The following UBASH3B variants were observed in gnomAD, a reference collection of about 807,000 sequenced individuals.
UBASH3B encodes ubiquitin associated and SH3 domain containing B.
UBASH3B carries 37 observed loss-of-function variants against 83.4 expected under a neutral mutation model. That is an observed-to-expected ratio of 0.44 (90% CI 0.34 to 0.58). UBASH3B has a LOEUF of 0.58. Ranked by LOEUF, UBASH3B falls within the 20% of genes least tolerant of loss-of-function variation. The probability of loss-of-function intolerance (pLI) is 0.01; values close to 1 mark genes in which losing one functional copy is unlikely to be tolerated. For missense variants in UBASH3B, 657 were observed against 827.2 expected (o/e 0.79, Z 2.52); for synonymous variants, 304 against 318.3 (o/e 0.96, Z 0.48).
In UBASH3B at chr11:122,740,680, C is replaced by T. The variant is rs527564039; in HGVS notation, c.162-35539C>T. 2.3e-3 allele frequency among the ~76,000 whole-genome samples: 349 copies of T among 152,084 alleles called. 1 individual carries two copies. Among genetic ancestry groups the T allele is most frequent in the Admixed American group, 5.4e-3 (82 of 15,274 alleles). On this transcript the variant is annotated intron_variant, in intron 1 of 13. Coordinates refer to ENST00000284273, the MANE Select transcript of UBASH3B (RefSeq NM_032873.5). ...ACACTCCTGAGTCTGTACTTGCAAG[C>T]GACCCTGCCATACCAGATGTGTGCA...
chr11:122,789,095 T>C lies in UBASH3B; in HGVS notation c.772-5T>C. ...GGGCTCACTCACCCTCTCTTCCTTT[T>C]CCAGACATTACAGGTCATCTACCCC... is the stretch of plus-strand genomic sequence containing the variant. On this transcript the variant is annotated splice_region_variant and splice_polypyrimidine_tract_variant and intron_variant, in intron 5 of 13. Transcript: ENST00000284273. The C allele has an allele frequency of 1.2e-6, 2 of 1,609,772 alleles. No individual in the cohort carries two copies. Among genetic ancestry groups the C allele is most frequent in the South Asian group, 2.2e-5 (2 of 90,942 alleles).
chr11:122,721,153 G>A (rs1404037056), intron 1 of UBASH3B, among the ~76,000 whole-genome samples: 2 of 149,634 alleles, frequency 1.3e-5, no homozygotes, highest in East Asian at 4.0e-4. Flanking sequence ...GCTGAGTCAG[G>A]AGAATCGCTT....
rs772136809 is a variant in UBASH3B, at chr11:122,753,136, GA to G, written c.162-23069del. Among the ~76,000 whole-genome samples the G allele has an allele frequency of 1.2e-3, 157 of 134,098 alleles. 3 individuals carry two copies. In the South Asian group the frequency reaches 0.018, roughly 16 times the overall value. The allele number at this position is 134,098 out of a possible 152,430, so 88.0% of individuals were successfully genotyped here. ...AAAACATCTTCAAGTATGAACACTA[GA>G]AAAAAAAAAAAAACTCGAGTTTCTG... On this transcript the variant is annotated intron_variant, in intron 1 of 13. Transcript: ENST00000284273.
intron 1 of UBASH3B, among the ~76,000 whole-genome samples, chr11:122,723,694 C>A (rs1201412221): frequency 2.0e-5 from 3 of 152,164 alleles, no homozygotes; most frequent in African/African-American, 7.2e-5. Flanking sequence ...CCAAAGAGCA[C>A]CGGGTAGAAA....
At chr11:122,784,993 A>G (rs1860923016) in intron 5 of UBASH3B, among the ~76,000 whole-genome samples, 1 of 152,180 alleles carries the variant, frequency 6.6e-6, no homozygotes, top group Non-Finnish European at 1.5e-5. Context: ...AAAGAAAAAA[A>G]AAGTCAAGGG....
chr11:122,705,858 C>G (rs1358930437), intron 1 of UBASH3B, among the ~76,000 whole-genome samples: 3 of 152,158 alleles, frequency 2.0e-5, no homozygotes, highest in Non-Finnish European at 2.9e-5. Flanking sequence ...CACCCTTGCT[C>G]TGACTAAATC....
chr11:122,812,020 A>G lies in UBASH3B; in HGVS notation c.*2134A>G, dbSNP rs532286662. Reference sequence around the variant, plus strand: ...CTGGGCAGTATCTGTAATGTATGAAATAGAGTCTGGAATAGGTTATCCACT... The same window carrying G: ...CTGGGCAGTATCTGTAATGTATGAAGTAGAGTCTGGAATAGGTTATCCACT... On this transcript the variant is annotated 3_prime_UTR_variant, in exon 14 of 14. Coordinates refer to ENST00000284273, the MANE Select transcript of UBASH3B (RefSeq NM_032873.5). 1.3e-5 allele frequency: 2 copies of G among 152,306 alleles called. No homozygotes were observed. The highest frequency in any genetic ancestry group is 1.3e-4 in the Admixed American group (2 of 15,304). 9.4% of individuals were successfully genotyped at this position (152,306 alleles called of 1,614,324 possible).
chr11:122,758,531 C>T lies in UBASH3B; in HGVS notation c.162-17688C>T, dbSNP rs1189838714. 6.6e-6 allele frequency among the ~76,000 whole-genome samples: 1 copy of T among 152,198 alleles called. No homozygotes were observed. The highest frequency in any genetic ancestry group is 1.9e-4 in the East Asian group (1 of 5,192). On this transcript the variant is annotated intron_variant, in intron 1 of 13. Transcript: ENST00000284273. The surrounding 1 kb of genome is among the most constrained non-coding windows in gnomAD (Gnocchi z 4.2). ...CAGTCAGTGGTGGGGGCGGAGGGGG[C>T]ACCCAGTGGCCGTAGAACACCGACC...
chr11:122,712,572 T>G lies in UBASH3B; in HGVS notation c.161+56362T>G, dbSNP rs543031142. ...TCTTTTTCCCTCACATTCTGCATCC[T>G]GTTGAGCACCAGGAGGGTCACCAAG... On this transcript the variant is annotated intron_variant, in intron 1 of 13. Coordinates refer to ENST00000284273, the MANE Select transcript of UBASH3B (RefSeq NM_032873.5). 1.2e-4 allele frequency among the ~76,000 whole-genome samples: 18 copies of G among 152,220 alleles called. No homozygotes were observed. The South Asian group carries it at 3.5e-3, about 30-fold the overall frequency.
intron 11 of UBASH3B, among the ~76,000 whole-genome samples, chr11:122,804,484 T>G (rs1861305177): frequency 6.6e-6 from 1 of 152,040 alleles, no homozygotes; most frequent in Non-Finnish European, 1.5e-5. Flanking sequence ...GTGTAGAGGA[T>G]CGGCTCACAG....
chr11:122,697,639 C>A (rs1435075370), intron 1 of UBASH3B, among the ~76,000 whole-genome samples: 1 of 152,206 alleles, frequency 6.6e-6, no homozygotes, highest in Non-Finnish European at 1.5e-5. Flanking sequence ...TCCTCCCTCA[C>A]ACTTGTTTCC....
At chr11:122,713,065 G>A (rs897602854) in intron 1 of UBASH3B, among the ~76,000 whole-genome samples, 9 of 151,624 alleles carry the variant, frequency 5.9e-5, no homozygotes, top group Admixed American at 1.3e-4. Flanking sequence ...CCGCCACCAC[G>A]CCCAGCTAAT....
At chr11:122,784,611 T>A (rs1313199224) in intron 5 of UBASH3B, among the ~76,000 whole-genome samples, 1 of 152,234 alleles carries the variant, frequency 6.6e-6, no homozygotes, top group African/African-American at 2.4e-5. Flanking sequence ...GAACTGGTAT[T>A]TTTGTTAGTT....
At chr11:122,764,011 A>T (rs1290485192) in intron 1 of UBASH3B, among the ~76,000 whole-genome samples, 1 of 152,220 alleles carries the variant, frequency 6.6e-6, no homozygotes, top group African/African-American at 2.4e-5. Flanking sequence ...AGAATAAATA[A>T]TCTTATTATG....
At chr11:122,714,166 C>T (rs1044866994) in intron 1 of UBASH3B, among the ~76,000 whole-genome samples, 6 of 152,206 alleles carry the variant, frequency 3.9e-5, no homozygotes, top group African/African-American at 1.4e-4. Context: ...ACATCTGCCC[C>T]ATCAGTTTCT....
chr11:122,757,370 CT>C (rs1861298422), intron 1 of UBASH3B, among the ~76,000 whole-genome samples: 1 of 152,170 alleles, frequency 6.6e-6, no homozygotes, highest in Admixed American at 6.5e-5. Flanking sequence ...GAAGGGGCCC[CT>C]CCCCAGAGCT....
rs1221300473 is a variant in UBASH3B, at chr11:122,655,911, G to A, written c.-139G>A. On this transcript the variant is annotated 5_prime_UTR_variant, in exon 1 of 14. Transcript: ENST00000284273. Reference sequence around the variant, plus strand: ...CAGAGTCCCGACACTGGGGAAGCTCGGAGCGCCGCCTCCGCTGCCGCCGCC... The same window carrying A: ...CAGAGTCCCGACACTGGGGAAGCTCAGAGCGCCGCCTCCGCTGCCGCCGCC... The A allele has an allele frequency of 2.1e-6, 2 of 949,006 alleles. No individual in the cohort carries two copies. The highest frequency in any genetic ancestry group is 1.5e-6 in the Non-Finnish European group (1 of 685,222). The allele number at this position is 949,006 out of a possible 1,614,324, so 58.8% of individuals were successfully genotyped here. A position where few individuals can be genotyped will look rare whatever the true frequency, so the allele number is the denominator to read the frequency against.
chr11:122,794,788 G>A lies in UBASH3B; in HGVS notation c.1067G>A (p.Gly356Glu). The A allele has an allele frequency of 1.2e-6, 2 of 1,614,058 alleles. No homozygotes were observed. Among genetic ancestry groups the A allele is most frequent in the Non-Finnish European group, 1.7e-6 (2 of 1,180,014 alleles). ...GAGAGGCGGCCTTATGAGGACCAGG[G>A]GCTCGGGGAGACGACTCCTCTTACT... ...VLERRPYEDQ[G>E]LGETTPLTII... is the part of the protein sequence containing the mutation. The change falls in exon 7 of 14, where the codon GGG (glycine) becomes GAG (glutamate). Residue 356 changes from glycine to glutamate, a missense_variant. This residue lies in a region of UBASH3B where 573 missense variants were observed against 739.0 expected (regional missense o/e 0.78). Coordinates refer to ENST00000284273, the MANE Select transcript of UBASH3B (RefSeq NM_032873.5).
intron 1 of UBASH3B, among the ~76,000 whole-genome samples, chr11:122,753,167 G>T (rs1441707309): frequency 6.6e-6 from 1 of 151,594 alleles, no homozygotes; most frequent in Non-Finnish European, 1.5e-5. Context: ...TTTCTGGCCA[G>T]GTGCTGTGGC....
Sources: gnomAD v4.1 joint callset for allele counts (sites outside exome capture counted in the v4.1 genomes callset) on GRCh38, gnomAD v4.1.1 for gene constraint, gnomAD v4.1.1 regional missense constraint, Gnocchi (gnomAD v3.1) non-coding constraint, MANE v1.5 for transcripts, NCBI Gene and HGNC (gene_info 2026-07-23, HGNC 2026-07-21) for gene names.